The following ATP6V1H variants were observed in gnomAD, a reference collection of about 807,000 sequenced individuals.
ATP6V1H encodes ATPase H+ transporting V1 subunit H.
Under a neutral mutation model 71.7 loss-of-function variants are expected in ATP6V1H, and 39 were observed. That is an observed-to-expected ratio of 0.54 (90% CI 0.42 to 0.71). ATP6V1H has a LOEUF of 0.71. ATP6V1H is among the 30% of genes least tolerant of loss of function. The probability of loss-of-function intolerance (pLI) is 0.00; values close to 1 mark genes in which losing one functional copy is unlikely to be tolerated. For synonymous variants in ATP6V1H, 192 were observed against 199.3 expected (o/e 0.96, Z 0.31); for missense variants, 509 against 594.9 (o/e 0.86, Z 1.50).
intron 11 of ATP6V1H, among the ~76,000 whole-genome samples, chr8:53,764,678 A>G (rs1035159920): frequency 1.3e-5 from 2 of 152,232 alleles, no homozygotes; most frequent in African/African-American, 4.8e-5. Flanking sequence ...AAGTATCATT[A>G]AGTGTAATAA....
intron 4 of ATP6V1H, among the ~76,000 whole-genome samples, chr8:53,827,960 G>A (rs149106133): frequency 2.2e-3 from 338 of 152,242 alleles, no homozygotes; most frequent in African/African-American, 7.6e-3. Context: ...TTTTATGGCC[G>A]TATAGTATTC....
At chr8:53,820,221 C>G (rs1177860209) in intron 4 of ATP6V1H, among the ~76,000 whole-genome samples, 1 of 151,512 alleles carries the variant, frequency 6.6e-6, no homozygotes, top group East Asian at 1.9e-4. Context: ...ACTGGTAGAC[C>G]AGAGCACGAG....
chr8:53,822,073 T>C (rs1810682563), intron 4 of ATP6V1H, among the ~76,000 whole-genome samples: 1 of 152,136 alleles, frequency 6.6e-6, no homozygotes. Context: ...AACTAAATTA[T>C]AAGGTGTTCA....
intron 11 of ATP6V1H, among the ~76,000 whole-genome samples, chr8:53,766,862 T>C (rs995190436): frequency 1.3e-5 from 2 of 152,198 alleles, no homozygotes; most frequent in African/African-American, 2.4e-5. Context: ...GAAACTTCAT[T>C]AGCAATTTTA....
At chr8:53,826,767 TA>T (rs1179956471) in intron 4 of ATP6V1H, among the ~76,000 whole-genome samples, 1 of 149,930 alleles carries the variant, frequency 6.7e-6, no homozygotes, top group Non-Finnish European at 1.5e-5. Context: ...GCCAACATGG[TA>T]AAACCCCGTC....
intron 9 of ATP6V1H, among the ~76,000 whole-genome samples, chr8:53,777,640 G>C (rs895529528): frequency 1.3e-5 from 2 of 152,114 alleles, no homozygotes; most frequent in Non-Finnish European, 2.9e-5. Context: ...TCTGTAAAAG[G>C]GCGAAGAGTA....
intron 9 of ATP6V1H, among the ~76,000 whole-genome samples, chr8:53,772,886 A>T (rs1460761591): frequency 6.7e-6 from 1 of 148,278 alleles, no homozygotes; most frequent in Non-Finnish European, 1.5e-5. Context: ...AAGCTAGTTT[A>T]AAAAGCCTAT....
chr8:53,751,921 G>C (rs1193419733), intron 12 of ATP6V1H, among the ~76,000 whole-genome samples: 1 of 152,104 alleles, frequency 6.6e-6, no homozygotes. Context: ...GCCCACCTTG[G>C]CCTCCCAAAG....
intron 11 of ATP6V1H, among the ~76,000 whole-genome samples, chr8:53,758,383 A>T (rs1412764781): frequency 1.3e-5 from 2 of 152,220 alleles, no homozygotes; most frequent in East Asian, 3.8e-4. Context: ...AACATTTTTC[A>T]CACCCAGAAA....
chr8:53,818,329 TTAG>T (rs1245239114), intron 4 of ATP6V1H, among the ~76,000 whole-genome samples: 1 of 152,228 alleles, frequency 6.6e-6, no homozygotes, highest in East Asian at 1.9e-4. Context: ...TGTAAGTTCT[TTAG>T]TGGTGATTTG....
intron 9 of ATP6V1H, among the ~76,000 whole-genome samples, chr8:53,781,320 A>T (rs1585779993): frequency 6.6e-6 from 1 of 151,946 alleles, no homozygotes; most frequent in African/African-American, 2.4e-5. Context: ...CATGTGTTTT[A>T]TGGCTGCATA....
At chr8:53,829,361 T>C in intron 4 of ATP6V1H, 83 bp downstream of exon 4, 2 of 838,422 alleles carry the variant, frequency 2.4e-6, no homozygotes, top group South Asian at 1.4e-5. Context: ...ATGTTCTAAG[T>C]GAAATCTCAC....
intron 2 of ATP6V1H, chr8:53,839,884 TC>T: frequency 1.2e-5 from 12 of 985,504 alleles, no homozygotes; most frequent in Non-Finnish European, 1.3e-5. Context: ...AAGTCCAAAC[TC>T]CTTCCAACCA....
In ATP6V1H at chr8:53,841,611, C is replaced by G. The variant is rs746947272; in HGVS notation, c.80G>C (p.Arg27Pro). ...GGATTGCCAGTTGACTTTGTTTGCACGAACTTCTGCAGCCTTGGCAGCAAT... is the reference window on the plus strand; with the variant it reads ...GGATTGCCAGTTGACTTTGTTTGCAGGAACTTCTGCAGCCTTGGCAGCAAT... ...NIIAAKAAEV[R>P]ANKVNWQSYL... The change falls in exon 2 of 14, where the codon CGT becomes CCT. Residue 27 changes from arginine to proline, a missense_variant. Physicochemically the swap from Arg to Pro is moderately radical, Grantham distance 103. Transcript: ENST00000359530. 6.2e-7 allele frequency: 1 copy of G among 1,613,974 alleles called. No homozygotes were observed. The highest frequency in any genetic ancestry group is 8.5e-7 in the Non-Finnish European group (1 of 1,180,010).
intron 4 of ATP6V1H, among the ~76,000 whole-genome samples, chr8:53,824,865 T>C (rs1196448315): frequency 1.3e-5 from 2 of 151,882 alleles, no homozygotes; most frequent in African/African-American, 4.8e-5. Flanking sequence ...ACAACTTTTA[T>C]AAATTAGAGA....
intron 13 of ATP6V1H, among the ~76,000 whole-genome samples, chr8:53,725,829 T>C (rs987868203): frequency 3.3e-5 from 5 of 152,070 alleles, no homozygotes; most frequent in Admixed American, 3.3e-4. Flanking sequence ...GACTTGCTTG[T>C]ATGTTCTCCT....
intron 8 of ATP6V1H, among the ~76,000 whole-genome samples, chr8:53,800,164 C>A (rs1378002014): frequency 6.6e-6 from 1 of 152,172 alleles, no homozygotes; most frequent in African/African-American, 2.4e-5. Flanking sequence ...CCCTGTGCGA[C>A]CCCTCTGGGA....
At chr8:53,753,481 T>TGC (rs1431733299) in intron 12 of ATP6V1H, among the ~76,000 whole-genome samples, 3 of 152,244 alleles carry the variant, frequency 2.0e-5, no homozygotes, top group East Asian at 3.8e-4. Flanking sequence ...AGCAGGCTTC[T>TGC]GCCTTGGCAG....
chr8:53,747,374 G>A (rs772704796), intron 12 of ATP6V1H, among the ~76,000 whole-genome samples: 14 of 152,036 alleles, frequency 9.2e-5, no homozygotes, highest in Non-Finnish European at 1.6e-4. Context: ...GCCTATTTTC[G>A]TTTCCTTAAT....
Sources: gnomAD v4.1 joint callset for allele counts (sites outside exome capture counted in the v4.1 genomes callset) on GRCh38, gnomAD v4.1.1 for gene constraint, MANE v1.5 for transcripts, NCBI Gene and HGNC (gene_info 2026-07-23, HGNC 2026-07-21) for gene names.